SLC6A5: variants seen among roughly 807,000 people sequenced by gnomAD.
The protein encoded by SLC6A5 is solute carrier family 6 member 5, also known as sodium- and chloride-dependent glycine transporter 2.
In SLC6A5, 58 loss-of-function variants were observed where a neutral mutation model predicts 90.5. That is an observed-to-expected ratio of 0.64 (90% CI 0.52 to 0.80). The LOEUF (loss-of-function observed/expected upper bound fraction) is 0.80. Ranked by LOEUF, SLC6A5 falls within the 30% of genes least tolerant of loss-of-function variation. The probability of loss-of-function intolerance (pLI) is 0.00; values close to 1 mark genes in which losing one functional copy is unlikely to be tolerated. For synonymous variants in SLC6A5, 427 were observed against 401.4 expected (o/e 1.06, Z -0.76); for missense variants, 1,015 against 1,017.6 (o/e 1.00, Z 0.03).
Position 20,657,933 on chromosome 11 carries a change from CTTTATA to C in SLC6A5, c.*3071_*3076del, listed in dbSNP as rs935892663. On this transcript the variant is annotated 3_prime_UTR_variant, in exon 16 of 16. Transcript: ENST00000525748. ...AGTTCTGTTTTATTGTTTCTTTTTC[CTTTATA>C]TTTATGTATTGCATGAGGTCTGTGG... 3 of 152,024 alleles carry C rather than the reference CTTTATA, an allele frequency of 2.0e-5. No individual in the cohort carries two copies. The highest frequency in any genetic ancestry group is 4.4e-5 in the Non-Finnish European group (3 of 68,002). The allele number at this position is 152,024 out of a possible 1,614,324, so 9.4% of individuals were successfully genotyped here.
At chr11:20,599,783 G>C (rs999506053) in intron 1 of SLC6A5, 108 bp downstream of exon 1, 4 of 1,255,896 alleles carry the variant, frequency 3.2e-6, no homozygotes, top group Non-Finnish European at 4.6e-6. Context: ...TGGGTGGGGG[G>C]AAAGGGGGCG....
rs186704689 is a variant in SLC6A5 at position 20,601,215 on chromosome 11, C to A, written c.90C>A (p.Cys30Ter). The change falls in exon 2 of 16, where the codon TGC (cysteine) becomes TGA (stop). Residue 30 changes from cysteine to a stop codon, truncating the protein, a stop_gained. Transcript: ENST00000525748. LOFTEE classifies it high-confidence loss of function. ...CGCAGGGCCACCCGGATGGCCCATG[C>A]GCTCCCAGGACGAGCCCGGAGCAGG... ...AAAQGHPDGP[C>*]APRTSPEQEL... is the part of the protein sequence containing the mutation. 85 of 1,582,232 alleles carry A rather than the reference C, an allele frequency of 5.4e-5. No homozygotes were observed. The highest frequency in any genetic ancestry group is 1.4e-4 in the South Asian group (12 of 88,798).
chr11:20,608,918 GTCTGTC>G (rs1238613575), intron 5 of SLC6A5, among the ~76,000 whole-genome samples: 6 of 79,190 alleles, frequency 7.6e-5, no homozygotes, highest in Non-Finnish European at 1.5e-4. Flanking sequence ...CTGTCTGTCT[GTCTGTC>G]TCTCTCTCTC....
In SLC6A5 at chr11:20,601,662, C is replaced by T; in HGVS notation, c.537C>T (p.Thr179=). 6.2e-7 allele frequency: 1 copy of T among 1,613,410 alleles called. No homozygotes were observed. Among genetic ancestry groups the T allele is most frequent in the Non-Finnish European group, 8.5e-7 (1 of 1,179,864 alleles). The change falls in exon 2 of 16, where the codon ACC becomes ACT. Residue 179 remains threonine, a synonymous_variant. Transcript: ENST00000525748. The part of the protein sequence containing the change: ...VLPGSVATVA[T]QEDEQGDENK... ...CGGGCAGCGTGGCCACCGTTGCCAC[C>T]CAGGTAAGCAGGTTGCATTACGGCC...
chr11:20,632,118 G>A (rs1853120492), intron 10 of SLC6A5, among the ~76,000 whole-genome samples: 1 of 152,166 alleles, frequency 6.6e-6, no homozygotes, highest in African/African-American at 2.4e-5. Context: ...GGCAGGGAGG[G>A]AAAGTGAGAG....
chr11:20,637,667 G>C (rs963261409), intron 12 of SLC6A5, among the ~76,000 whole-genome samples: 1 of 152,160 alleles, frequency 6.6e-6, no homozygotes, highest in East Asian at 1.9e-4. Flanking sequence ...TGCTCTGATT[G>C]CATCTGTGAA....
At chr11:20,648,553 G>A (rs1250338656) in intron 14 of SLC6A5, among the ~76,000 whole-genome samples, 1 of 152,110 alleles carries the variant, frequency 6.6e-6, no homozygotes, top group Non-Finnish European at 1.5e-5. Flanking sequence ...TTCAGGACTG[G>A]AATGTATATG....
chr11:20,639,239 G>A (rs1853268206), intron 13 of SLC6A5, among the ~76,000 whole-genome samples: 1 of 152,114 alleles, frequency 6.6e-6, no homozygotes. Flanking sequence ...TCCCTTGTAT[G>A]CACTGTCGGT....
At chr11:20,610,495 T>A (rs1216288911) in intron 5 of SLC6A5, among the ~76,000 whole-genome samples, 3 of 152,208 alleles carry the variant, frequency 2.0e-5, no homozygotes, top group Non-Finnish European at 4.4e-5. Flanking sequence ...ATCGAGAGAT[T>A]TGGTGTTTGC....
At position 20,604,298 on chromosome 11, in the gene SLC6A5, G is replaced by A. The variant is rs757956308; in HGVS notation, c.553G>A (p.Gly185Arg). The change falls in exon 3 of 16, where the codon GGG (glycine) becomes AGG (arginine). Residue 185 changes from glycine to arginine, a missense_variant. Gly to Arg is a moderately radical substitution (Grantham distance 125, BLOSUM62 -2). Transcript: ENST00000525748. ...ATVATQEDEQ[G>R]DENKARGNWS... is the part of the protein sequence containing the mutation. ...TTTCCGCCCCCAGGAGGACGAGCAA[G>A]GGGATGAGAATAAGGCCCGAGGGAA... 6 of 1,612,086 alleles carry A rather than the reference G, an allele frequency of 3.7e-6. No homozygotes were observed. The highest frequency in any genetic ancestry group is 5.1e-6 in the Non-Finnish European group (6 of 1,178,578).
In SLC6A5 at chr11:20,617,902, T is replaced by C. The variant is rs768206940; in HGVS notation, c.1260+18T>C. ...CAGGAAAAGTAAGCACTTGGATTTA[T>C]CTAAGAGAAAGCTGTGAGACACCCA... On this transcript the variant is annotated intron_variant, in intron 7 of 15. Transcript: ENST00000525748. The C allele has an allele frequency of 2.8e-5, 45 of 1,605,424 alleles. No homozygotes were observed. The East Asian group carries it at 5.3e-4, about 19-fold the overall frequency.
At chr11:20,653,263 A>T (rs1239313212) in intron 15 of SLC6A5, among the ~76,000 whole-genome samples, 1 of 152,228 alleles carries the variant, frequency 6.6e-6, no homozygotes. Flanking sequence ...GACCAGCAGC[A>T]TCCTTCTCAC....
In SLC6A5 at chr11:20,622,836, G is replaced by T. The variant is rs181493433; in HGVS notation, c.1261-3872G>T. On this transcript the variant is annotated intron_variant, in intron 7 of 15. Transcript: ENST00000525748. ...CCCCAGGTGGTCAGAGGATGGAAAGGATACTCCTTAGTTGTCTCCCATCCC... is the reference window on the plus strand; with the variant it reads ...CCCCAGGTGGTCAGAGGATGGAAAGTATACTCCTTAGTTGTCTCCCATCCC... Among the ~76,000 whole-genome samples, 27 of 152,252 alleles carry T rather than the reference G, an allele frequency of 1.8e-4. No individual in the cohort carries two copies. The East Asian group carries it at 4.3e-3, about 24-fold the overall frequency.
At chr11:20,638,642 T>A in intron 13 of SLC6A5, 84 bp downstream of exon 13, 1 of 842,860 alleles carries the variant, frequency 1.2e-6, no homozygotes, top group Non-Finnish European at 2.1e-6. Context: ...CCATACTTAA[T>A]AAGACAATAC....
intron 14 of SLC6A5, 117 bp from the exon 15 acceptor site, chr11:20,652,172 G>A (rs531835891): frequency 1.3e-4 from 119 of 916,008 alleles, no homozygotes; most frequent in Admixed American, 2.2e-4. Flanking sequence ...CTACTCTTTC[G>A]TGGGTATAGA....
At chr11:20,619,509 G>C (rs142936828) in intron 7 of SLC6A5, among the ~76,000 whole-genome samples, 1,986 of 152,318 alleles carry the variant, frequency 0.013, 22 homozygotes, top group Middle Eastern at 0.027. Flanking sequence ...ACCAGCCCAG[G>C]AGTGAGGAGA....
chr11:20,604,227 G>T lies in SLC6A5; in HGVS notation c.541-59G>T, dbSNP rs1852531668. ...ACCCCTAGCGGGGGGGAGGGTGGAA[G>T]GGGCCTGCTTGTGGACCTACTCGGG... is the stretch of plus-strand genomic sequence containing the variant. On this transcript the variant is annotated intron_variant, in intron 2 of 15. Coordinates refer to ENST00000525748, the MANE Select transcript of SLC6A5 (RefSeq NM_004211.5). 8 of 1,551,724 alleles carry T rather than the reference G, an allele frequency of 5.2e-6. 1 individual carries two copies. Among genetic ancestry groups the T allele is most frequent in the South Asian group, 3.7e-5 (3 of 80,686 alleles).
At chr11:20,652,523 T>TA in intron 15 of SLC6A5, 67 bp downstream of exon 15, 1 of 1,464,818 alleles carries the variant, frequency 6.8e-7, no homozygotes, top group Non-Finnish European at 9.6e-7. Flanking sequence ...CTCTGCATGT[T>TA]AAAAAACAAA....
At chr11:20,604,261 C>A (rs770150735) in intron 2 of SLC6A5, 25 bp from the exon 3 acceptor site, 3 of 1,597,354 alleles carry the variant, frequency 1.9e-6, no homozygotes, top group East Asian at 2.2e-5. Context: ...GGGCTGTTAT[C>A]GACAATGTGC....
Sources: gnomAD v4.1 joint callset for allele counts (sites outside exome capture counted in the v4.1 genomes callset) on GRCh38, gnomAD v4.1.1 for gene constraint, MANE v1.5 for transcripts, NCBI Gene and HGNC (gene_info 2026-07-23, HGNC 2026-07-21) for gene names.